STAT4: variants seen among roughly 807,000 people sequenced by gnomAD.
STAT4 encodes signal transducer and activator of transcription 4.
STAT4 carries 42 observed loss-of-function variants against 110.5 expected under a neutral mutation model. The ratio of observed to expected loss-of-function variants is 0.38; its 90% CI spans 0.30 to 0.49. STAT4 has a LOEUF of 0.49. Among genes scored for constraint, STAT4 ranks in the 20% least tolerant of loss-of-function variants. The pLI is 0.95. For synonymous variants in STAT4, 284 were observed against 302.2 expected (o/e 0.94, Z 0.63); for missense variants, 632 against 887.9 (o/e 0.71, Z 3.66).
chr2:191,034,142 G>A (rs922898779), intron 18 of STAT4, 137 bp from the exon 19 acceptor site: 1 of 706,010 alleles, frequency 1.4e-6, no homozygotes, highest in Admixed American at 3.1e-5. Flanking sequence ...AATATTCTTG[G>A]CCTGGTGTGG....
At chr2:191,093,432 T>C (rs553841837) in intron 3 of STAT4, among the ~76,000 whole-genome samples, 1 of 152,224 alleles carries the variant, frequency 6.6e-6, no homozygotes, top group East Asian at 1.9e-4. Context: ...CCACTGGTGA[T>C]ACCCAGGCAA....
chr2:191,071,970 G>A (rs184376499), intron 5 of STAT4, among the ~76,000 whole-genome samples: 551 of 152,274 alleles, frequency 3.6e-3, no homozygotes, highest in Middle Eastern at 0.01. Context: ...GAGGCAAGAT[G>A]TCGGGCCTCT....
At chr2:191,115,107 C>T (rs554114845) in intron 3 of STAT4, among the ~76,000 whole-genome samples, 2 of 152,170 alleles carry the variant, frequency 1.3e-5, no homozygotes, top group East Asian at 3.9e-4. Flanking sequence ...ATTCTACCAA[C>T]ACTTATGGAG....
At position 191,066,350 on chromosome 2, in the gene STAT4, G is replaced by A; in HGVS notation, c.630+80C>T. The A allele has an allele frequency of 8.0e-7, 1 of 1,256,374 alleles. No individual in the cohort carries two copies. Among genetic ancestry groups the A allele is most frequent in the South Asian group, 1.3e-5 (1 of 79,238 alleles). 77.8% of individuals were successfully genotyped at this position (1,256,374 alleles called of 1,614,324 possible). Reference sequence around the variant, plus strand: ...TAAATGGAACTGATAAAATCTGACAGCTTGATTATTTTCAGTTAGTCTAAG... The same window carrying A: ...TAAATGGAACTGATAAAATCTGACAACTTGATTATTTTCAGTTAGTCTAAG... On this transcript the variant is annotated intron_variant, in intron 7 of 23. Transcript: ENST00000392320. The surrounding 1 kb of genome is among the most constrained non-coding windows in gnomAD (Gnocchi z 4.3).
intron 3 of STAT4, among the ~76,000 whole-genome samples, chr2:191,103,543 A>G (rs943247323): frequency 6.6e-6 from 1 of 152,178 alleles, no homozygotes; most frequent in African/African-American, 2.4e-5. Context: ...ATCTCTTATC[A>G]GAATCCATAA....
In STAT4 at chr2:191,029,928, TC is replaced by T; in HGVS notation, c.2221-63del. 7.5e-7 allele frequency: 1 copy of T among 1,328,810 alleles called. No homozygotes were observed. Among genetic ancestry groups the T allele is most frequent in the Non-Finnish European group, 1.1e-6 (1 of 949,884 alleles). The allele number at this position is 1,328,810 out of a possible 1,614,324, so 82.3% of individuals were successfully genotyped here. A position where few individuals can be genotyped will look rare whatever the true frequency, so the allele number is the denominator to read the frequency against. On this transcript the variant is annotated intron_variant, in intron 23 of 23. Transcript: ENST00000392320. The surrounding 1 kb of genome is among the most constrained non-coding windows in gnomAD (Gnocchi z 4.5). ...ACTGGTTTTCAAATCAATCACTATT[TC>T]TTGGGCAAATAAACGTCCTCTTTTC...
chr2:191,074,263 G>A (rs1399469488), intron 4 of STAT4, among the ~76,000 whole-genome samples: 1 of 152,170 alleles, frequency 6.6e-6, no homozygotes, highest in East Asian at 1.9e-4. Context: ...TGGGTGGGGA[G>A]CCATGGTTAG....
Position 191,150,148 on chromosome 2 carries a change from T to TA in STAT4, c.-2+798dup, listed in dbSNP as rs536010310. 3.3e-5 allele frequency among the ~76,000 whole-genome samples: 5 copies of TA among 151,576 alleles called. No homozygotes were observed. The highest frequency in any genetic ancestry group is 4.2e-4 in the South Asian group (2 of 4,802). ...TGTCAAATGAAAATAAAAGGAAAAT[T>TA]AAAAAAAATAAAAATAAACACCGAA... On this transcript the variant is annotated intron_variant, in intron 1 of 23. Coordinates refer to ENST00000392320, the MANE Select transcript of STAT4 (RefSeq NM_003151.4). The surrounding 1 kb of genome is among the most constrained non-coding windows in gnomAD (Gnocchi z 6.4).
At position 191,054,527 on chromosome 2, in the gene STAT4, T is replaced by C; in HGVS notation, c.1214A>G (p.Lys405Arg). Residue 405 changes from lysine (K) to arginine (R), a missense_variant, in exon 14 of 24, where the codon AAG (lysine) becomes AGG (arginine). By Grantham distance (26) the Lys-to-Arg change is conservative (BLOSUM62 2). This residue lies in a region of STAT4 where 488 missense variants were observed against 632.8 expected (regional missense o/e 0.77). Transcript: ENST00000392320. ...LSVEFRHLQP[K>R]EMKSSAGGKG... is the part of the protein sequence containing the mutation. ...ACCTCCAGCACTGGACTTCATTTCC[T>C]TTGGTTGCTTTGTAAAAGAAAACAA... is the stretch of plus-strand genomic sequence containing the variant. 1 of 1,612,498 alleles carries C rather than the reference T, an allele frequency of 6.2e-7. No homozygotes were observed.
chr2:191,129,546 G>A (rs1698974363), intron 3 of STAT4, among the ~76,000 whole-genome samples: 1 of 152,174 alleles, frequency 6.6e-6, no homozygotes, highest in African/African-American at 2.4e-5. Flanking sequence ...AAGAAGATTA[G>A]GAGAGGTGAT....
At chr2:191,114,770 C>G (rs1437361583) in intron 3 of STAT4, among the ~76,000 whole-genome samples, 1 of 152,160 alleles carries the variant, frequency 6.6e-6, no homozygotes, top group East Asian at 1.9e-4. Context: ...TGGGGGCTGC[C>G]TTTGGAGTGG....
intron 3 of STAT4, among the ~76,000 whole-genome samples, chr2:191,084,442 A>G (rs1697578503): frequency 6.6e-6 from 1 of 152,164 alleles, no homozygotes; most frequent in Admixed American, 6.6e-5. Context: ...ACTAAAAATG[A>G]GTTATTAAGA....
intron 3 of STAT4, among the ~76,000 whole-genome samples, chr2:191,094,343 G>A (rs545628214): frequency 6.6e-6 from 1 of 152,168 alleles, no homozygotes; most frequent in South Asian, 2.1e-4. Flanking sequence ...CAGAGAGAAA[G>A]GTTGGGTTAC....
In STAT4 at chr2:191,150,746, G is replaced by A. The variant is rs143340438; in HGVS notation, c.-2+201C>T. 1.5e-3 allele frequency among the ~76,000 whole-genome samples: 223 copies of A among 152,320 alleles called. No individual in the cohort carries two copies. Among genetic ancestry groups the A allele is most frequent in the Admixed American group, 2.3e-3 (35 of 15,308 alleles). On this transcript the variant is annotated intron_variant, in intron 1 of 23. Coordinates refer to ENST00000392320, the MANE Select transcript of STAT4 (RefSeq NM_003151.4). The surrounding 1 kb of genome is among the most constrained non-coding windows in gnomAD (Gnocchi z 6.4). Reference sequence around the variant, plus strand: ...GGGCACCGTGGCGCGGGCCTGCGGAGCGGTTTCCGCGGAGAACCCGTGCCA... The same window carrying A: ...GGGCACCGTGGCGCGGGCCTGCGGAACGGTTTCCGCGGAGAACCCGTGCCA...
intron 3 of STAT4, among the ~76,000 whole-genome samples, chr2:191,088,447 C>T (rs530019383): frequency 1.1e-4 from 17 of 152,250 alleles, no homozygotes; most frequent in African/African-American, 4.1e-4. Context: ...TTCATATTCA[C>T]TTTAGGCAGA....
At position 191,062,898 on chromosome 2, in the gene STAT4, G is replaced by A; in HGVS notation, c.805C>T (p.Leu269Phe). The change falls in exon 9 of 24, where the codon CTT (leucine) becomes TTT (phenylalanine). Residue 269 changes from leucine to phenylalanine, a missense_variant. Transcript: ENST00000392320. The surrounding 1 kb of genome is among the most constrained non-coding windows in gnomAD (Gnocchi z 4.9). ...TCCAATTGCCTTCTCAGTTGGAAAAGACTTTCTGCCAATAGTGTAAAGCTA... is the reference window on the plus strand; with the variant it reads ...TCCAATTGCCTTCTCAGTTGGAAAAAACTTTCTGCCAATAGTGTAAAGCTA... ...QNCFTLLAES[L>F]FQLRRQLEKL... 1 of 1,613,596 alleles carries A rather than the reference G, an allele frequency of 6.2e-7. No homozygotes were observed. Among genetic ancestry groups the A allele is most frequent in the Non-Finnish European group, 8.5e-7 (1 of 1,179,766 alleles).
At chr2:191,114,041 T>C (rs893009407) in intron 3 of STAT4, among the ~76,000 whole-genome samples, 1 of 152,224 alleles carries the variant, frequency 6.6e-6, no homozygotes, top group East Asian at 1.9e-4. Flanking sequence ...AGGAAGCTGC[T>C]GTTATAATTT....
chr2:191,058,679 T>C lies in STAT4; in HGVS notation c.1094+31A>G. ...ATTTTTAAAAGTCTTACATTTGGAA[T>C]TGTAATTCAAAACGAAATTAGAAAA... On this transcript the variant is annotated intron_variant, in intron 11 of 23. Transcript: ENST00000392320. The surrounding 1 kb of genome is among the most constrained non-coding windows in gnomAD (Gnocchi z 4.3). 5.1e-6 allele frequency: 7 copies of C among 1,383,674 alleles called. No homozygotes were observed. In the South Asian group the frequency reaches 6.4e-5, roughly 13 times the overall value. The allele number at this position is 1,383,674 out of a possible 1,614,324, so 85.7% of individuals were successfully genotyped here.
At chr2:191,139,333 G>A (rs111739035) in intron 3 of STAT4, among the ~76,000 whole-genome samples, 27 of 152,172 alleles carry the variant, frequency 1.8e-4, no homozygotes, top group African/African-American at 5.8e-4. Flanking sequence ...TGATATAATC[G>A]TATACCTAGA....
Sources: allele counts gnomAD v4.1 joint callset (sites outside exome capture counted in the v4.1 genomes callset), GRCh38; gene constraint gnomAD v4.1.1; regional missense constraint gnomAD v4.1.1; non-coding constraint Gnocchi (gnomAD v3.1); transcripts MANE v1.5; gene names NCBI Gene and HGNC (gene_info 2026-07-23, HGNC 2026-07-21).